Variants in WWOX observed in about 807,000 individuals in gnomAD.
The protein encoded by WWOX is WW domain-containing oxidoreductase.
A neutral mutation model predicts 46.2 loss-of-function variants in WWOX; 69 were observed. The observed-to-expected ratio is 1.49, with a 90% CI of 1.23 to 1.82. The LOEUF is 1.82. Among genes scored for constraint, WWOX ranks in the 40% most tolerant of loss-of-function variants. WWOX has a pLI of 0.00. For missense variants in WWOX, 919 were observed against 542.6 expected (o/e 1.69, Z -6.89); for synonymous variants, 359 against 202.6 (o/e 1.77, Z -6.56).
At chr16:78,349,178 G>A (rs28475389) in intron 5 of WWOX, among the ~76,000 whole-genome samples, 24,411 of 119,818 alleles carry the variant, frequency 0.2, 7,683 homozygotes, top group South Asian at 0.43. Flanking sequence ...TGACCTAGCC[G>A]CTGTGTGCAC....
intron 1 of WWOX, among the ~76,000 whole-genome samples, chr16:78,106,706 GCGC>G (rs1377731247): frequency 6.6e-6 from 1 of 152,110 alleles, no homozygotes; most frequent in Non-Finnish European, 1.5e-5. Flanking sequence ...ATGAGCCACC[GCGC>G]CCGGCCACAG....
chr16:78,911,824 C>T (rs554454165), intron 8 of WWOX, among the ~76,000 whole-genome samples: 1 of 152,078 alleles, frequency 6.6e-6, no homozygotes, highest in Non-Finnish European at 1.5e-5. Flanking sequence ...TGAGATCACG[C>T]TGATGCATTC....
intron 8 of WWOX, among the ~76,000 whole-genome samples, chr16:78,934,236 G>C (rs1286155394): frequency 6.7e-6 from 1 of 150,284 alleles, no homozygotes; most frequent in Non-Finnish European, 1.5e-5. Context: ...TACTCGGGAG[G>C]CTGAGGCAGG....
chr16:78,847,835 G>A (rs1360252751), intron 8 of WWOX, among the ~76,000 whole-genome samples: 3 of 152,080 alleles, frequency 2.0e-5, no homozygotes, highest in African/African-American at 2.4e-5. Context: ...CACCTGTCCT[G>A]TATGACTGGC....
chr16:78,928,284 G>C (rs1412400101), intron 8 of WWOX, among the ~76,000 whole-genome samples: 1 of 148,588 alleles, frequency 6.7e-6, no homozygotes, highest in Non-Finnish European at 1.5e-5. Context: ...CTCACTGCAA[G>C]CTCCGCCTCC....
chr16:79,032,571 C>T (rs1181369210), intron 8 of WWOX, among the ~76,000 whole-genome samples: 1 of 147,618 alleles, frequency 6.8e-6, no homozygotes, highest in African/African-American at 2.5e-5. Context: ...TCCATACATA[C>T]ATATATAATT....
chr16:78,321,332 ATATG>A (rs2080469216), intron 5 of WWOX, among the ~76,000 whole-genome samples: 1 of 56,608 alleles, frequency 1.8e-5, no homozygotes, highest in Non-Finnish European at 3.5e-5. Context: ...ATATACGTAT[ATATG>A]CGTATATATA....
intron 8 of WWOX, among the ~76,000 whole-genome samples, chr16:78,717,655 A>C (rs2048595226): frequency 6.6e-6 from 1 of 152,196 alleles, no homozygotes; most frequent in African/African-American, 2.4e-5. Flanking sequence ...GAATGGAATG[A>C]AAGAGGGGTT....
intron 8 of WWOX, among the ~76,000 whole-genome samples, chr16:78,974,968 A>G (rs1567452156): frequency 6.6e-6 from 1 of 152,086 alleles, no homozygotes; most frequent in Non-Finnish European, 1.5e-5. Flanking sequence ...GGAGATGGAC[A>G]TTTCTAGGCT....
intron 8 of WWOX, among the ~76,000 whole-genome samples, chr16:78,481,229 C>T (rs1359029472): frequency 3.9e-5 from 6 of 152,102 alleles, no homozygotes; most frequent in South Asian, 2.1e-4. Flanking sequence ...CTTAATTTTT[C>T]TAACTGATGA....
chr16:78,918,447 G>A (rs1339541884), intron 8 of WWOX, among the ~76,000 whole-genome samples: 2 of 151,906 alleles, frequency 1.3e-5, no homozygotes, highest in Non-Finnish European at 2.9e-5. Flanking sequence ...GGCAGGGCTG[G>A]ACTGTCACTT....
chr16:78,408,858 C>T (rs11860425), intron 6 of WWOX, among the ~76,000 whole-genome samples: 8,032 of 152,184 alleles, frequency 0.053, 693 homozygotes, highest in African/African-American at 0.18. Flanking sequence ...AGCCCCATCT[C>T]AGTGGACCAC....
At chr16:78,778,193 C>G (rs1567553467) in intron 8 of WWOX, among the ~76,000 whole-genome samples, 1 of 152,084 alleles carries the variant, frequency 6.6e-6, no homozygotes, top group Non-Finnish European at 1.5e-5. Context: ...CAGGGTGTGC[C>G]TGATTTCCTA....
intron 8 of WWOX, among the ~76,000 whole-genome samples, chr16:78,497,156 G>T (rs1476692523): frequency 6.6e-6 from 1 of 152,234 alleles, no homozygotes; most frequent in East Asian, 1.9e-4. Flanking sequence ...TCATGCTTGA[G>T]AGTGGTGGTG....
intron 8 of WWOX, among the ~76,000 whole-genome samples, chr16:78,527,274 G>C (rs2738747): frequency 0.7 from 105,459 of 150,596 alleles, 38,585 homozygotes; most frequent in East Asian, 0.85. Flanking sequence ...CATTTGACTT[G>C]TATCTCGCTC....
At chr16:78,793,996 G>C (rs929848752) in intron 8 of WWOX, among the ~76,000 whole-genome samples, 2 of 152,198 alleles carry the variant, frequency 1.3e-5, no homozygotes, top group Non-Finnish European at 2.9e-5. Flanking sequence ...AAAGTTCTTA[G>C]TAACACAGGC....
At chr16:78,979,999 GCAC>G (rs2151332468) in intron 8 of WWOX, among the ~76,000 whole-genome samples, 1 of 152,218 alleles carries the variant, frequency 6.6e-6, no homozygotes, top group African/African-American at 2.4e-5. Flanking sequence ...GTGTTGGTGG[GCAC>G]CTGTACTTCC....
chr16:78,688,873 AG>A (rs1490166108), intron 8 of WWOX, among the ~76,000 whole-genome samples: 31 of 152,290 alleles, frequency 2.0e-4, no homozygotes, highest in African/African-American at 7.2e-4. Flanking sequence ...TTTTCATGGT[AG>A]GGAGTGAGTT....
intron 4 of WWOX, among the ~76,000 whole-genome samples, chr16:78,139,540 G>A (rs1333128455): frequency 6.6e-6 from 1 of 152,166 alleles, no homozygotes; most frequent in African/African-American, 2.4e-5. Context: ...AGCTACTCGG[G>A]AGGCTGAGGC....
Sources: allele counts gnomAD v4.1 joint callset (sites outside exome capture counted in the v4.1 genomes callset), GRCh38; gene constraint gnomAD v4.1.1; transcripts MANE v1.5; gene names NCBI Gene and HGNC (gene_info 2026-07-23, HGNC 2026-07-21).